Variants in BAZ1A observed in about 807,000 individuals in gnomAD.
BAZ1A encodes the protein bromodomain adjacent to zinc finger domain 1A, also known as bromodomain adjacent to zinc finger domain protein 1A.
In BAZ1A, 50 loss-of-function variants were observed where a neutral mutation model predicts 185.2. The observed-to-expected ratio is 0.27, with a 90% CI of 0.22 to 0.34. The LOEUF (loss-of-function observed/expected upper bound fraction) is 0.34, where lower values mean the gene tolerates loss of function less well. Ranked by LOEUF, BAZ1A falls within the 10% of genes least tolerant of loss-of-function variation. The probability of loss-of-function intolerance (pLI) is 1.00; values close to 1 mark genes in which losing one functional copy is unlikely to be tolerated. For synonymous variants in BAZ1A, 571 were observed against 615.6 expected (o/e 0.93, Z 1.07); for missense variants, 1,356 against 1,839.9 (o/e 0.74, Z 4.81).
chr14:34,831,852 GA>G (rs1445699166), intron 3 of BAZ1A, among the ~76,000 whole-genome samples: 1 of 152,088 alleles, frequency 6.6e-6, no homozygotes, highest in African/African-American at 2.4e-5. Flanking sequence ...ACTAAAATCA[GA>G]AGTGAAAGTG....
intron 16 of BAZ1A, 76 bp downstream of exon 16, chr14:34,783,043 T>C: frequency 8.7e-7 from 1 of 1,147,586 alleles, no homozygotes; most frequent in South Asian, 1.4e-5. Context: ...TGTGAAAGCA[T>C]TTTTAGAGTT....
Position 34,764,774 on chromosome 14 carries a change from G to T in BAZ1A, c.3709C>A (p.Gln1237Lys), listed in dbSNP as rs1355299138. 1.2e-5 allele frequency: 20 copies of T among 1,609,078 alleles called. No individual in the cohort carries two copies. Among genetic ancestry groups the T allele is most frequent in the Non-Finnish European group, 1.6e-5 (19 of 1,175,654 alleles). The change falls in exon 23 of 27, where the codon CAA (glutamine) becomes AAA (lysine). Residue 1237 changes from glutamine (Q) to lysine (K), a missense_variant. Coordinates refer to ENST00000360310, the MANE Select transcript of BAZ1A (RefSeq NM_013448.3). ...DEVDGDEEEG[Q>K]SEEEEYEVEQ... Reference sequence around the variant, plus strand: ...ACCTCATACTCTTCCTCCTCACTTTGACCTTCTTCTTCATCGCCATCAACT... The same window carrying T: ...ACCTCATACTCTTCCTCCTCACTTTTACCTTCTTCTTCATCGCCATCAACT...
chr14:34,782,501 TGTTGA>T (rs1880103206), intron 16 of BAZ1A, among the ~76,000 whole-genome samples: 2 of 152,278 alleles, frequency 1.3e-5, no homozygotes, highest in South Asian at 4.1e-4. Flanking sequence ...AATTTTTTAT[TGTTGA>T]GTTGTAAGAA....
chr14:34,866,211 C>T (rs531604995), intron 2 of BAZ1A, among the ~76,000 whole-genome samples: 4 of 151,956 alleles, frequency 2.6e-5, no homozygotes, highest in East Asian at 3.9e-4. Flanking sequence ...AGTTCAGGCA[C>T]GGTGGCTCAC....
At chr14:34,839,518 G>A (rs537103592) in intron 3 of BAZ1A, among the ~76,000 whole-genome samples, 5 of 136,990 alleles carry the variant, frequency 3.6e-5, no homozygotes, top group East Asian at 2.1e-4. Context: ...CAGCCTGGGC[G>A]ACTAAGCCAG....
rs1878753519 is a variant in BAZ1A, at chr14:34,765,191, A to C, written c.3379T>G (p.Ser1127Ala). ...GTGGATAGGTGAAGAAAAACTTGGGATAGACTAGCAGAAGAAAGGAGAGAC... is the reference window on the plus strand; with the variant it reads ...GTGGATAGGTGAAGAAAAACTTGGGCTAGACTAGCAGAAGAAAGGAGAGAC... ...RESLLSSASL[S>A]QVFLHLSTLD... Residue 1127 changes from serine to alanine, a missense_variant, in exon 22 of 27, where the codon TCC becomes GCC. Physicochemically the swap from Ser to Ala is moderately conservative, Grantham distance 99. Around this residue, in one of 7 missense-constraint regions of BAZ1A, gnomAD observed 11 missense variants for 34.6 expected, o/e 0.32. Coordinates refer to ENST00000360310, the MANE Select transcript of BAZ1A (RefSeq NM_013448.3). The C allele has an allele frequency of 6.2e-7, 1 of 1,614,150 alleles. No homozygotes were observed. Among genetic ancestry groups the C allele is most frequent in the Admixed American group, 1.7e-5 (1 of 60,010 alleles).
intron 17 of BAZ1A, among the ~76,000 whole-genome samples, chr14:34,779,589 G>T (rs1374148152): frequency 6.6e-6 from 1 of 152,000 alleles, no homozygotes; most frequent in African/African-American, 2.4e-5. Context: ...TATAGGCACA[G>T]AATTAATTAA....
chr14:34,855,065 T>C (rs1411629052), intron 3 of BAZ1A, among the ~76,000 whole-genome samples: 5 of 151,892 alleles, frequency 3.3e-5, no homozygotes, highest in Non-Finnish European at 7.4e-5. Context: ...GGCGACAGAG[T>C]GTAACTACGT....
Position 34,765,227 on chromosome 14 carries a change from G to C in BAZ1A, c.3343C>G (p.Arg1115Gly), listed in dbSNP as rs562160763. 6.2e-7 allele frequency: 1 copy of C among 1,614,058 alleles called. No homozygotes were observed. The highest frequency in any genetic ancestry group is 1.1e-5 in the South Asian group (1 of 91,078). Residue 1115 changes from arginine (R) to glycine (G), a missense_variant, in exon 22 of 27, where the codon CGT (arginine) becomes GGT (glycine). By Grantham distance (125) the Arg-to-Gly change is moderately radical (BLOSUM62 -2). Coordinates refer to ENST00000360310, the MANE Select transcript of BAZ1A (RefSeq NM_013448.3). ...SGRSYKTVLD[R>G]WRESLLSSAS... The stretch of plus-strand genomic sequence containing the variant: ...GAAGAAAGGAGAGACTCTCTCCAAC[G>C]GTCCAGAACTGTTTTATAAGAACGC...
At chr14:34,759,184 T>TTTTTGTTTTTTTG (rs1555336969) in intron 24 of BAZ1A, among the ~76,000 whole-genome samples, 1 of 108,028 alleles carries the variant, frequency 9.3e-6, no homozygotes, top group African/African-American at 3.9e-5. Context: ...TTTTTTTTTT[T>TTTTTGTTTTTTTG]TTTTTTTTTT....
chr14:34,841,679 G>A lies in BAZ1A; in HGVS notation c.393-15523C>T, dbSNP rs141173693. Reference sequence around the variant, plus strand: ...GGGATTACAGGTGGTGAGCCACCGCGCCCAGCCTTATTTATGTTTCCTTAA... The same window carrying A: ...GGGATTACAGGTGGTGAGCCACCGCACCCAGCCTTATTTATGTTTCCTTAA... On this transcript the variant is annotated intron_variant, in intron 3 of 26. Coordinates refer to ENST00000360310, the MANE Select transcript of BAZ1A (RefSeq NM_013448.3). Among the ~76,000 whole-genome samples, 303 of 152,284 alleles carry A rather than the reference G, an allele frequency of 2.0e-3. 3 individuals carry two copies. In the East Asian group the frequency reaches 0.025, roughly 13 times the overall value.
intron 23 of BAZ1A, among the ~76,000 whole-genome samples, chr14:34,763,423 A>T (rs199850747): frequency 0.15 from 22,498 of 145,304 alleles, 1,896 homozygotes; most frequent in Admixed American, 0.28. Flanking sequence ...CAAATGTTTA[A>T]AAAAAAAAAA....
intron 5 of BAZ1A, among the ~76,000 whole-genome samples, chr14:34,810,652 G>T (rs184569674): frequency 1.3e-5 from 2 of 151,798 alleles, no homozygotes; most frequent in Admixed American, 6.6e-5. Context: ...TAGAGACAGG[G>T]TCTTGCCACG....
intron 2 of BAZ1A, among the ~76,000 whole-genome samples, chr14:34,872,090 T>C (rs1487454330): frequency 6.6e-6 from 1 of 152,190 alleles, no homozygotes; most frequent in African/African-American, 2.4e-5. Context: ...CGTTCAGTCA[T>C]AGAAACCTAA....
intron 6 of BAZ1A, among the ~76,000 whole-genome samples, chr14:34,804,836 C>G (rs1881768420): frequency 6.6e-6 from 1 of 152,222 alleles, no homozygotes; most frequent in Non-Finnish European, 1.5e-5. Context: ...AAACCCACAT[C>G]TTTGTGTACT....
chr14:34,839,721 T>C (rs562091886), intron 3 of BAZ1A, among the ~76,000 whole-genome samples: 1 of 150,858 alleles, frequency 6.6e-6, no homozygotes, highest in Non-Finnish European at 1.5e-5. Context: ...CGGGTGCCTG[T>C]AGTCCCAGCT....
intron 3 of BAZ1A, among the ~76,000 whole-genome samples, chr14:34,835,206 C>G (rs1354995654): frequency 6.6e-6 from 1 of 151,868 alleles, no homozygotes; most frequent in Non-Finnish European, 1.5e-5. Flanking sequence ...GGATTACAGG[C>G]ACGCGCCACC....
At position 34,795,662 on chromosome 14, in the gene BAZ1A, G is replaced by A. The variant is rs747270309; in HGVS notation, c.1224+8C>T. 5.7e-6 allele frequency: 9 copies of A among 1,591,532 alleles called. No homozygotes were observed. The Admixed American group carries it at 1.4e-4, about 25-fold the overall frequency. On this transcript the variant is annotated splice_region_variant and intron_variant, in intron 10 of 26. Transcript: ENST00000360310. ...ATGTGTGCTAAACATCACATAACAT[G>A]TTTATACCTTAAGGTCATCACATTC...
intron 3 of BAZ1A, among the ~76,000 whole-genome samples, chr14:34,846,944 T>G (rs1281832033): frequency 6.6e-6 from 1 of 152,146 alleles, no homozygotes; most frequent in Non-Finnish European, 1.5e-5. Context: ...AATAACAATT[T>G]TAAGAAATTA....
Sources: gnomAD v4.1 joint callset for allele counts (sites outside exome capture counted in the v4.1 genomes callset) on GRCh38, gnomAD v4.1.1 for gene constraint, gnomAD v4.1.1 regional missense constraint, MANE v1.5 for transcripts, NCBI Gene and HGNC (gene_info 2026-07-23, HGNC 2026-07-21) for gene names.